The following KLHDC4 variants were observed in gnomAD, a reference collection of about 807,000 sequenced individuals.
The protein encoded by KLHDC4 is kelch domain-containing protein 4.
In KLHDC4, 90 loss-of-function variants were observed where a neutral mutation model predicts 62.4. The ratio of observed to expected loss-of-function variants is 1.44; its 90% CI spans 1.22 to 1.72. The LOEUF (loss-of-function observed/expected upper bound fraction) is 1.72, where lower values mean the gene tolerates loss of function less well. Ranked by LOEUF, KLHDC4 falls within the 40% of genes most tolerant of loss-of-function variation. The pLI, the probability that KLHDC4 is intolerant of heterozygous loss-of-function variation, is 0.00. For synonymous variants in KLHDC4, 386 were observed against 284.4 expected (o/e 1.36, Z -3.59); for missense variants, 1,025 against 699.7 (o/e 1.47, Z -5.25).
chr16:87,743,492 C>G (rs911442128), intron 5 of KLHDC4, among the ~76,000 whole-genome samples: 2 of 152,076 alleles, frequency 1.3e-5, no homozygotes, highest in African/African-American at 2.4e-5. Context: ...GTAATCTCAG[C>G]ACTTTGGGAG....
chr16:87,718,284 G>GCTCTCCCTCTCC (rs201899900), intron 7 of KLHDC4, among the ~76,000 whole-genome samples: 26 of 128,842 alleles, frequency 2.0e-4, no homozygotes, highest in African/African-American at 7.4e-4. Flanking sequence ...ATTCGCTCTC[G>GCTCTCCCTCTCC]CTCTCCCTCT....
At chr16:87,765,659 C>T (rs2046551572) in intron 1 of KLHDC4, 133 bp downstream of exon 1, 1 of 832,034 alleles carries the variant, frequency 1.2e-6, no homozygotes, top group African/African-American at 1.8e-5. Context: ...CGGGGCAGTT[C>T]CTACGGCCTC....
intron 8 of KLHDC4, among the ~76,000 whole-genome samples, chr16:87,712,955 C>A (rs540370454): frequency 2.0e-5 from 3 of 152,210 alleles, no homozygotes; most frequent in African/African-American, 7.2e-5. Context: ...CTAAACTCCA[C>A]GGCAAACACC....
At chr16:87,716,696 C>T (rs566654214) in intron 7 of KLHDC4, among the ~76,000 whole-genome samples, 7 of 152,054 alleles carry the variant, frequency 4.6e-5, no homozygotes, top group African/African-American at 1.2e-4. Flanking sequence ...TTCAGGAGGC[C>T]GAGGGGGGTA....
intron 7 of KLHDC4, among the ~76,000 whole-genome samples, chr16:87,723,579 G>T (rs1033699737): frequency 6.6e-6 from 1 of 152,260 alleles, no homozygotes; most frequent in Non-Finnish European, 1.5e-5. Flanking sequence ...ATCTAGACAA[G>T]CCTGACCGAT....
chr16:87,731,533 T>G (rs747914545), intron 5 of KLHDC4, among the ~76,000 whole-genome samples: 12 of 151,686 alleles, frequency 7.9e-5, no homozygotes, highest in South Asian at 6.2e-4. Flanking sequence ...GGGAAACATA[T>G]GCCAAGTCCA....
downstream of KLHDC4, among the ~76,000 whole-genome samples, chr16:87,706,431 G>A (rs1484233276): frequency 7.1e-6 from 1 of 141,392 alleles, no homozygotes; most frequent in Non-Finnish European, 1.6e-5. Flanking sequence ...GCCTCCAGGG[G>A]GGTCGGCGGA....
chr16:87,731,951 G>A (rs1312512363), intron 5 of KLHDC4, among the ~76,000 whole-genome samples: 1 of 152,196 alleles, frequency 6.6e-6, no homozygotes, highest in Non-Finnish European at 1.5e-5. Flanking sequence ...TGGACTCCAT[G>A]CACACGAGCG....
chr16:87,756,165 G>A, intron 3 of KLHDC4: 2 of 390,882 alleles, frequency 5.1e-6, no homozygotes, highest in Non-Finnish European at 9.6e-6. Context: ...TGACGGCAGA[G>A]CTGGGCCTCA....
At chr16:87,745,609 T>A (rs1034816640) in intron 5 of KLHDC4, among the ~76,000 whole-genome samples, 4 of 152,270 alleles carry the variant, frequency 2.6e-5, no homozygotes, top group Non-Finnish European at 4.4e-5. Context: ...CGCTTGGAGC[T>A]GGTACACAAC....
At chr16:87,754,878 C>A (rs761833761) in intron 4 of KLHDC4, among the ~76,000 whole-genome samples, 2 of 152,210 alleles carry the variant, frequency 1.3e-5, no homozygotes, top group African/African-American at 2.4e-5. Flanking sequence ...CTCCTGTCTT[C>A]ACCATCTAGT....
At chr16:87,726,740 C>A in intron 7 of KLHDC4, 25 bp downstream of exon 7, 1 of 1,510,038 alleles carries the variant, frequency 6.6e-7, no homozygotes, top group Admixed American at 2.3e-5. Context: ...CCACGCCTTG[C>A]CTGTTTCCCC....
chr16:87,755,121 T>C, intron 4 of KLHDC4, 73 bp downstream of exon 4: 1 of 1,030,042 alleles, frequency 9.7e-7, no homozygotes, highest in Non-Finnish European at 1.5e-6. Context: ...CTGTCACCTA[T>C]CAACTCTCCG....
At chr16:87,714,758 CA>C (rs902927292) in intron 7 of KLHDC4, among the ~76,000 whole-genome samples, 185 bp from the exon 8 acceptor site, 7 of 152,190 alleles carry the variant, frequency 4.6e-5, no homozygotes, top group Non-Finnish European at 1.0e-4. Flanking sequence ...CTTTATCCCC[CA>C]AATGGGTCCA....
At chr16:87,722,086 T>C (rs1275344719) in intron 7 of KLHDC4, among the ~76,000 whole-genome samples, 4 of 152,190 alleles carry the variant, frequency 2.6e-5, no homozygotes, top group Non-Finnish European at 5.9e-5. Flanking sequence ...GACACGTGAA[T>C]GTTGCTGGGT....
Position 87,748,663 on chromosome 16 carries a change from G to A in KLHDC4, c.506+10C>T. Reference sequence around the variant, plus strand: ...ATGCCCGGAGCTCAGCTTCTCATCTGGCTTCTTACTTGACTTGTTCCCAGG... The same window carrying A: ...ATGCCCGGAGCTCAGCTTCTCATCTAGCTTCTTACTTGACTTGTTCCCAGG... On this transcript the variant is annotated intron_variant, in intron 5 of 11. Transcript: ENST00000270583. 6.2e-7 allele frequency: 1 copy of A among 1,613,528 alleles called. No homozygotes were observed. Among genetic ancestry groups the A allele is most frequent in the South Asian group, 1.1e-5 (1 of 91,020 alleles).
intron 5 of KLHDC4, among the ~76,000 whole-genome samples, chr16:87,739,073 AT>A: frequency 1.0e-4 from 8 of 78,240 alleles, no homozygotes; most frequent in Non-Finnish European, 1.5e-4. Context: ...CACCTCATCC[AT>A]CCACACACCA....
chr16:87,744,877 GCA>G (rs1317971902), intron 5 of KLHDC4, among the ~76,000 whole-genome samples: 4 of 152,054 alleles, frequency 2.6e-5, no homozygotes, highest in Admixed American at 1.3e-4. Context: ...ACACACACGA[GCA>G]CACACACGCT....
chr16:87,702,091 G>A (rs755868724), exon 1 of KLHDC4: 1 of 456,258 alleles, frequency 2.2e-6, no homozygotes, highest in South Asian at 1.5e-5. Context: ...CCCGAGATCA[G>A]AACAGCCTTC....
Sources: allele counts gnomAD v4.1 joint callset (sites outside exome capture counted in the v4.1 genomes callset), GRCh38; gene constraint gnomAD v4.1.1; transcripts MANE v1.5; gene names NCBI Gene and HGNC (gene_info 2026-07-23, HGNC 2026-07-21).